The following JAK1 variants were observed in gnomAD, a reference collection of about 807,000 sequenced individuals.
JAK1 encodes the protein tyrosine-protein kinase JAK1.
In JAK1, 16 loss-of-function variants were observed where a neutral mutation model predicts 136.6. That is an observed-to-expected ratio of 0.12 (90% CI 0.08 to 0.18). JAK1 has a LOEUF of 0.18. JAK1 is among the 10% of genes least tolerant of loss of function. The pLI, the probability that JAK1 is intolerant of heterozygous loss-of-function variation, is 1.00. For missense variants in JAK1, 859 were observed against 1,450.1 expected (o/e 0.59, Z 6.62); for synonymous variants, 492 against 519.5 (o/e 0.95, Z 0.72).
intron 15 of JAK1, 96 bp downstream of exon 15, chr1:64,845,417 C>T: frequency 7.2e-7 from 1 of 1,396,526 alleles, no homozygotes; most frequent in East Asian, 2.3e-5. Flanking sequence ...CAAGGACAGG[C>T]CCCTCTAGCT....
chr1:64,885,686 G>A (rs1229243695), intron 2 of JAK1, among the ~76,000 whole-genome samples: 1 of 150,970 alleles, frequency 6.6e-6, no homozygotes, highest in Admixed American at 6.6e-5. Context: ...CTGGGAAAGC[G>A]GAGGTTGCCG....
At chr1:65,010,309 TTCTC>T (rs146058654) in intron 2 of JAK1, among the ~76,000 whole-genome samples, 3 of 150,930 alleles carry the variant, frequency 2.0e-5, no homozygotes, top group Non-Finnish European at 4.4e-5. Context: ...CGCACGCTCA[TTCTC>T]TCTCTCTCTC....
chr1:64,873,300 G>T, intron 5 of JAK1, 70 bp downstream of exon 5: 1 of 1,572,796 alleles, frequency 6.4e-7, no homozygotes, highest in Non-Finnish European at 8.7e-7. Flanking sequence ...AGCTGCAGCA[G>T]GGGGTCTGAG....
At chr1:64,989,184 G>C (rs1450794055) in intron 2 of JAK1, among the ~76,000 whole-genome samples, 1 of 149,732 alleles carries the variant, frequency 6.7e-6, no homozygotes, top group African/African-American at 2.4e-5. Context: ...AATTTGCTGG[G>C]TGTGGTGGCA....
upstream of JAK1, among the ~76,000 whole-genome samples, chr1:64,970,992 T>TC (rs1277783694): frequency 6.6e-6 from 1 of 152,196 alleles, no homozygotes; most frequent in African/African-American, 2.4e-5. Context: ...AAAGAATATG[T>TC]CCCCATCAGT....
intron 1 of JAK1, among the ~76,000 whole-genome samples, chr1:64,890,255 T>G (rs3762311): frequency 0.16 from 23,592 of 151,992 alleles, 1,992 homozygotes; most frequent in East Asian, 0.31. Context: ...AGGATTTTTT[T>G]TTTTTGTCTT....
At chr1:65,060,994 A>AT (rs1453157909) in intron 1 of JAK1, among the ~76,000 whole-genome samples, 2 of 152,224 alleles carry the variant, frequency 1.3e-5, no homozygotes, top group Non-Finnish European at 2.9e-5. Flanking sequence ...ACCCAAACTG[A>AT]TTTTAAACTA....
intron 1 of JAK1, among the ~76,000 whole-genome samples, chr1:64,958,962 C>A (rs575976527): frequency 2.0e-5 from 3 of 152,266 alleles, no homozygotes; most frequent in Non-Finnish European, 4.4e-5. Context: ...AATAACAGAC[C>A]TAAATTTATG....
chr1:64,933,107 C>A (rs1645727157), intron 1 of JAK1, among the ~76,000 whole-genome samples: 1 of 151,946 alleles, frequency 6.6e-6, no homozygotes, highest in Non-Finnish European at 1.5e-5. Flanking sequence ...AGGCATCATG[C>A]CAAATGTTTT....
chr1:64,987,610 T>G (rs1398412403), intron 2 of JAK1: 1 of 152,206 alleles, frequency 6.6e-6, no homozygotes, highest in African/African-American at 2.4e-5. Flanking sequence ...AAAGTTGGTA[T>G]CAGGCAGAAC....
chr1:64,927,203 C>A (rs1434271040), intron 1 of JAK1, among the ~76,000 whole-genome samples: 1 of 152,166 alleles, frequency 6.6e-6, no homozygotes, highest in East Asian at 1.9e-4. Flanking sequence ...CTGGCACGGT[C>A]TCCCGTGTCC....
intron 1 of JAK1, among the ~76,000 whole-genome samples, chr1:64,937,469 C>T (rs1346558502): frequency 2.0e-5 from 3 of 152,182 alleles, no homozygotes; most frequent in Non-Finnish European, 4.4e-5. Context: ...GCATCTTTTA[C>T]CTTTGCTAAT....
In JAK1 at chr1:65,040,216, CA is replaced by C. The variant is rs35513384; in HGVS notation, c.-78+4263del. ...GGCAACTAGAGCAAGACCCTGTCTC[CA>C]AAAAAAAAAAAAAGAAGTCTGAAAT... On this transcript the variant is annotated intron_variant, in intron 2 of 25. Coordinates refer to the JAK1 transcript ENST00000671954. Among the ~76,000 whole-genome samples the C allele has an allele frequency of 8.1e-3, 1,063 of 130,910 alleles. 3 individuals are homozygous for C. The highest frequency in any genetic ancestry group is 0.014 in the Admixed American group (181 of 13,034). 85.9% of individuals were successfully genotyped at this position (130,910 alleles called of 152,430 possible).
intron 1 of JAK1, among the ~76,000 whole-genome samples, chr1:64,902,744 C>T (rs1421113013): frequency 1.3e-5 from 2 of 151,948 alleles, no homozygotes; most frequent in Non-Finnish European, 1.5e-5. Flanking sequence ...GAATGGGCAC[C>T]AGACCCCAAT....
intron 2 of JAK1, among the ~76,000 whole-genome samples, chr1:64,980,770 G>A (rs1460734112): frequency 6.7e-6 from 1 of 149,900 alleles, no homozygotes; most frequent in African/African-American, 2.5e-5. Flanking sequence ...TCCCCTTCCT[G>A]TGTCCGAGAG....
At chr1:64,886,390 T>A in intron 1 of JAK1, 49 bp from the exon 2 acceptor site, 1 of 1,100,484 alleles carries the variant, frequency 9.1e-7, no homozygotes, top group Non-Finnish European at 1.3e-6. Flanking sequence ...TAATTGCATC[T>A]GAAAATAAGA....
rs564272312 is a variant in JAK1 at position 65,053,394 on chromosome 1, GTATGAATAGAATGCACCTGTAAA to G, written c.-180-8835_-180-8813del. 5.9e-4 allele frequency among the ~76,000 whole-genome samples: 90 copies of G among 152,242 alleles called. No homozygotes were observed. The East Asian group carries it at 0.01, about 17-fold the overall frequency. ...GATGACTGGTAATGGTGAAGACAAA[GTATGAATAGAATGCACCTGTAAA>G]TATGAATAGAATGCACCTGTAAATA... On this transcript the variant is annotated intron_variant, in intron 1 of 25. Coordinates refer to the JAK1 transcript ENST00000671954.
rs1353915380 is a variant in JAK1 at position 64,886,705 on chromosome 1, CTTTAA to C, written c.-77-369_-77-365del. ...AGTTTAAGACACCCAAAAACGCGCACTTTAATTTCTCATTCCTTCTAGAATTACCC... is the reference window on the plus strand; with the variant it reads ...AGTTTAAGACACCCAAAAACGCGCACTTTCTCATTCCTTCTAGAATTACCC... On this transcript the variant is annotated intron_variant, in intron 1 of 24. Coordinates refer to ENST00000342505, the MANE Select transcript of JAK1 (RefSeq NM_002227.4). Among the ~76,000 whole-genome samples, 7 of 151,748 alleles carry C rather than the reference CTTTAA, an allele frequency of 4.6e-5. No homozygotes were observed. The East Asian group carries it at 5.8e-4, about 13-fold the overall frequency.
At chr1:65,018,493 C>CACACACACACAA (rs778413656) in intron 2 of JAK1, among the ~76,000 whole-genome samples, 9,260 of 146,214 alleles carry the variant, frequency 0.063, 413 homozygotes, top group Admixed American at 0.15. Flanking sequence ...AGAGAACACA[C>CACACACACACAA]ACACACACAC....
Sources: gnomAD v4.1 joint callset for allele counts (sites outside exome capture counted in the v4.1 genomes callset) on GRCh38, gnomAD v4.1.1 for gene constraint, MANE v1.5 for transcripts, NCBI Gene and HGNC (gene_info 2026-07-23, HGNC 2026-07-21) for gene names.